USH1C: variants seen among roughly 807,000 people sequenced by gnomAD.
USH1C encodes the protein USH1 protein network component harmonin, also known as harmonin.
A neutral mutation model predicts 119.3 loss-of-function variants in USH1C; 90 were observed. The ratio of observed to expected loss-of-function variants is 0.75; its 90% CI spans 0.64 to 0.90. USH1C has a LOEUF of 0.90. Among genes scored for constraint, USH1C ranks in the 40% least tolerant of loss-of-function variants. The pLI is 0.00. For synonymous variants in USH1C, 465 were observed against 443.3 expected (o/e 1.05, Z -0.62); for missense variants, 1,165 against 1,167.7 (o/e 1.00, Z 0.03).
intron 9 of USH1C, among the ~76,000 whole-genome samples, chr11:17,524,223 G>T (rs989192551): frequency 1.3e-5 from 2 of 152,276 alleles, no homozygotes; most frequent in Middle Eastern, 3.4e-3. Context: ...TTACCATTAC[G>T]ACATTCCCAA....
chr11:17,494,247 T>A lies in USH1C; in HGVS notation c.*85A>T, dbSNP rs1849162804. On this transcript the variant is annotated 3_prime_UTR_variant, in exon 27 of 27. Coordinates refer to ENST00000005226, the MANE Select transcript of USH1C (RefSeq NM_153676.4). Reference sequence around the variant, plus strand: ...GGGTGATAGATTCAGGTCCCAAGGATGCCATCTGGTGTGTGTAGTGTGGCC... The same window carrying A: ...GGGTGATAGATTCAGGTCCCAAGGAAGCCATCTGGTGTGTGTAGTGTGGCC... The A allele has an allele frequency of 6.8e-7, 1 of 1,476,668 alleles. No homozygotes were observed. The highest frequency in any genetic ancestry group is 2.4e-5 in the East Asian group (1 of 41,486). 91.5% of individuals were successfully genotyped at this position (1,476,668 alleles called of 1,614,324 possible).
At chr11:17,537,125 G>A (rs1172024325) in intron 1 of USH1C, among the ~76,000 whole-genome samples, 2 of 152,216 alleles carry the variant, frequency 1.3e-5, no homozygotes, top group Non-Finnish European at 2.9e-5. Context: ...GCCTGAACGT[G>A]CAGTAACAAT....
chr11:17,509,190 A>G (rs1849760831), intron 18 of USH1C, among the ~76,000 whole-genome samples, 166 bp downstream of exon 18: 1 of 152,190 alleles, frequency 6.6e-6, no homozygotes, highest in African/African-American at 2.4e-5. Flanking sequence ...ACCACCATAT[A>G]CATGCAGGAT....
intron 17 of USH1C, 129 bp from the exon 18 acceptor site, chr11:17,509,967 C>A (rs1849817485): frequency 4.4e-6 from 5 of 1,144,196 alleles, no homozygotes; most frequent in Non-Finnish European, 6.0e-6. Context: ...TACATCAGAA[C>A]CATGGGGCGC....
intron 20 of USH1C, 141 bp downstream of exon 20, chr11:17,504,506 C>T: frequency 1.1e-6 from 1 of 919,126 alleles, no homozygotes; most frequent in Non-Finnish European, 1.8e-6. Flanking sequence ...CAATGGAGGA[C>T]ACAGCTCTGG....
At chr11:17,524,056 A>G (rs1341170375) in intron 9 of USH1C, among the ~76,000 whole-genome samples, 1 of 152,248 alleles carries the variant, frequency 6.6e-6, no homozygotes, top group Non-Finnish European at 1.5e-5. Flanking sequence ...CATATGAGGT[A>G]CACGATTTTG....
At chr11:17,497,522 T>A (rs1300208287) in intron 24 of USH1C, among the ~76,000 whole-genome samples, 2 of 152,230 alleles carry the variant, frequency 1.3e-5, no homozygotes, top group Non-Finnish European at 2.9e-5. Flanking sequence ...ATGTTACCCG[T>A]GAGTCTTCTC....
chr11:17,502,175 G>A (rs1849473007), intron 20 of USH1C, 195 bp from the exon 21 acceptor site: 1 of 563,574 alleles, frequency 1.8e-6, no homozygotes, highest in African/African-American at 1.9e-5. Context: ...TCAGGGACAA[G>A]CAGGAGGCTG....
At position 17,531,296 on chromosome 11, in the gene USH1C, C is replaced by A; in HGVS notation, c.249-4G>T. On this transcript the variant is annotated splice_polypyrimidine_tract_variant and splice_region_variant and intron_variant, in intron 3 of 26. Transcript: ENST00000005226. This position sits in a 1 kb window ranked among gnomAD's most constrained non-coding sequence, Gnocchi z 4.2. ...CAGACGCACCTCCTTCAGCTTCCTG[C>A]CACACAGGAGAGGTCGGTGATGGTG... The A allele has an allele frequency of 1.2e-6, 2 of 1,614,162 alleles. No homozygotes were observed. The highest frequency in any genetic ancestry group is 1.7e-6 in the Non-Finnish European group (2 of 1,180,046).
At chr11:17,521,459 T>G (rs1317944965) in intron 12 of USH1C, 48 bp from the exon 13 acceptor site, 1 of 1,576,448 alleles carries the variant, frequency 6.3e-7, no homozygotes, top group East Asian at 2.2e-5. Flanking sequence ...GCAAGAGAAA[T>G]GAACTCTTCC....
chr11:17,544,146 C>T, intron 1 of USH1C, 126 bp downstream of exon 1: 1 of 1,308,192 alleles, frequency 7.6e-7, no homozygotes, highest in Non-Finnish European at 1.1e-6. Context: ...CCTCGGGTGT[C>T]CCAGCCCAAC....
chr11:17,540,235 G>A (rs781547570), intron 1 of USH1C, among the ~76,000 whole-genome samples: 25 of 152,150 alleles, frequency 1.6e-4, no homozygotes, highest in Non-Finnish European at 2.6e-4. Flanking sequence ...AAATGTGCAC[G>A]TGTGAAAGCA....
chr11:17,509,953 C>G, intron 17 of USH1C, 115 bp from the exon 18 acceptor site: 1 of 1,283,478 alleles, frequency 7.8e-7, no homozygotes, highest in Non-Finnish European at 1.1e-6. Flanking sequence ...AGACCCACCA[C>G]CCTTACATCA....
In USH1C at chr11:17,501,123, C is replaced by T. The variant is rs758479938; in HGVS notation, c.2308G>A (p.Gly770Ser). The change falls in exon 23 of 27, where the codon GGC becomes AGC. Residue 770 changes from glycine (G) to serine (S), a missense_variant. Coordinates refer to ENST00000005226, the MANE Select transcript of USH1C (RefSeq NM_153676.4). ...TTCCCAATGGGGGAGTCCACACCGC[C>T]TTCCAGGGCCAGGTCTAAGGATCCC... ...KEGSLDLALE[G>S]GVDSPIGKVV... The T allele has an allele frequency of 2.5e-6, 4 of 1,614,074 alleles. No individual in the cohort carries two copies. Among genetic ancestry groups the T allele is most frequent in the Non-Finnish European group, 3.4e-6 (4 of 1,179,988 alleles).
At chr11:17,496,874 C>T in intron 24 of USH1C, 61 bp from the exon 25 acceptor site, 2 of 1,589,816 alleles carry the variant, frequency 1.3e-6, no homozygotes, top group Admixed American at 1.7e-5. Context: ...TCTGCCCCGG[C>T]ACTCCATCCC....
intron 24 of USH1C, among the ~76,000 whole-genome samples, chr11:17,497,519 C>G (rs1234533924): frequency 1.3e-5 from 2 of 152,188 alleles, no homozygotes; most frequent in African/African-American, 4.8e-5. Context: ...ATCATGTTAC[C>G]CGTGAGTCTT....
chr11:17,510,217 T>C (rs942557095), intron 17 of USH1C, among the ~76,000 whole-genome samples, 188 bp downstream of exon 17: 12 of 152,148 alleles, frequency 7.9e-5, no homozygotes, highest in African/African-American at 2.9e-4. Flanking sequence ...TCTGGGAGTA[T>C]ACCCAGAAAT....
rs763313646 is a variant in USH1C at position 17,522,864 on chromosome 11, C to A, written c.939G>T (p.Gln313His). Residue 313 changes from glutamine (Q) to histidine (H), a missense_variant, in exon 12 of 27, where the codon CAG becomes CAT. Physicochemically the swap from Gln to His is conservative, Grantham distance 24. Coordinates refer to ENST00000005226, the MANE Select transcript of USH1C (RefSeq NM_153676.4). ...RLAEARQREL[Q>H]RQELLMQKRL... is the part of the protein sequence containing the mutation. ...GCTTCTGCATGAGAAGCTCCTGCCG[C>A]TGCAGCTCACGCTGCCGCGCCTCTG... 1 of 1,612,750 alleles carries A rather than the reference C, an allele frequency of 6.2e-7. No individual in the cohort carries two copies. The highest frequency in any genetic ancestry group is 8.5e-7 in the Non-Finnish European group (1 of 1,179,638).
chr11:17,513,836 G>A (rs1347060576), intron 15 of USH1C, among the ~76,000 whole-genome samples: 1 of 150,732 alleles, frequency 6.6e-6, no homozygotes. Context: ...AAGAAAGAAA[G>A]AAAAAAAAAA....
Sources: gnomAD v4.1 joint callset for allele counts (sites outside exome capture counted in the v4.1 genomes callset) on GRCh38, gnomAD v4.1.1 for gene constraint, Gnocchi (gnomAD v3.1) non-coding constraint, MANE v1.5 for transcripts, NCBI Gene and HGNC (gene_info 2026-07-23, HGNC 2026-07-21) for gene names.